The following GABRA2 variants were observed in gnomAD, a reference collection of about 807,000 sequenced individuals.
The protein encoded by GABRA2 is gamma-aminobutyric acid receptor subunit alpha-2.
In GABRA2, 16 loss-of-function variants were observed where a neutral mutation model predicts 48.7. That is an observed-to-expected ratio of 0.33 (90% CI 0.22 to 0.50). The LOEUF is 0.50. GABRA2 is among the 20% of genes least tolerant of loss of function. The pLI is 0.98. For missense variants in GABRA2, 275 were observed against 535.6 expected, an observed-to-expected ratio of 0.51 and a Z score of 4.80; for synonymous variants, 185 against 184.5, an observed-to-expected ratio of 1.00 and a Z score of -0.02.
At chr4:46,382,679 A>G (rs1168794282) in intron 3 of GABRA2, among the ~76,000 whole-genome samples, 2 of 152,178 alleles carry the variant, frequency 1.3e-5, no homozygotes, top group Non-Finnish European at 2.9e-5. Context: ...TGTCATATAA[A>G]TGAATCACAA....
At chr4:46,316,332 T>C (rs73812846) in intron 4 of GABRA2, among the ~76,000 whole-genome samples, 7,787 of 152,064 alleles carry the variant, frequency 0.051, 681 homozygotes, top group African/African-American at 0.18. Context: ...TTGTGGGCCA[T>C]ATGGTTAGCA....
chr4:46,292,860 C>T (rs1723936098), intron 8 of GABRA2, among the ~76,000 whole-genome samples: 1 of 152,184 alleles, frequency 6.6e-6, no homozygotes. Context: ...GGCAGCACCT[C>T]CATCTTTGAA....
At chr4:46,304,593 A>G (rs16859291) in intron 7 of GABRA2, among the ~76,000 whole-genome samples, 2,881 of 152,094 alleles carry the variant, frequency 0.019, 106 homozygotes, top group African/African-American at 0.066. Context: ...GAATAGTCAT[A>G]AATTATCTAG....
intron 9 of GABRA2, among the ~76,000 whole-genome samples, chr4:46,255,214 A>G (rs1224334034): frequency 1.3e-5 from 2 of 151,662 alleles, no homozygotes; most frequent in Non-Finnish European, 3.0e-5. Flanking sequence ...ACGTTTGCTT[A>G]ATGATAAATG....
intron 3 of GABRA2, among the ~76,000 whole-genome samples, chr4:46,384,956 A>G (rs565154471): frequency 4.6e-5 from 7 of 151,944 alleles, no homozygotes; most frequent in African/African-American, 1.7e-4. Context: ...TTAAAATGTA[A>G]GATATCACTC....
chr4:46,387,692 T>C (rs374308127), intron 2 of GABRA2, among the ~76,000 whole-genome samples: 1 of 152,156 alleles, frequency 6.6e-6, no homozygotes, highest in Non-Finnish European at 1.5e-5. Flanking sequence ...ATTTTCCAAA[T>C]GAAAGCAAGG....
chr4:46,300,208 C>T (rs1276757445), intron 8 of GABRA2, among the ~76,000 whole-genome samples: 3 of 151,846 alleles, frequency 2.0e-5, no homozygotes, highest in Non-Finnish European at 4.4e-5. Context: ...TAATTTAATT[C>T]CTGACCATCA....
chr4:46,314,527 A>T (rs1728214520), intron 4 of GABRA2, among the ~76,000 whole-genome samples: 1 of 152,152 alleles, frequency 6.6e-6, no homozygotes, highest in South Asian at 2.1e-4. Flanking sequence ...ATGGGGGCAT[A>T]TGTGCAGGTT....
Position 46,376,989 on chromosome 4 carries a change from G to C in GABRA2, c.187+9085C>G, listed in dbSNP as rs373086735. On this transcript the variant is annotated intron_variant, in intron 3 of 9. Coordinates refer to ENST00000381620, the MANE Select transcript of GABRA2 (RefSeq NM_000807.4). ...TAACCGCAAGTGATCCACCAGCCTCGGCATCCTGAGGTGCCGGGATTGCAG... is the reference window on the plus strand; with the variant it reads ...TAACCGCAAGTGATCCACCAGCCTCCGCATCCTGAGGTGCCGGGATTGCAG... Among the ~76,000 whole-genome samples, 18 of 152,226 alleles carry C rather than the reference G, an allele frequency of 1.2e-4. No individual in the cohort carries two copies. The South Asian group carries it at 2.1e-3, about 18-fold the overall frequency.
chr4:46,348,179 C>T lies in GABRA2; in HGVS notation c.188-15497G>A, dbSNP rs539049993. Among the ~76,000 whole-genome samples, 16 of 152,174 alleles carry T rather than the reference C, an allele frequency of 1.1e-4. No individual in the cohort carries two copies. In the South Asian group the frequency reaches 3.3e-3, roughly 32 times the overall value. ...GCCAAAAGTCACATGAAAAAATGCTCATCATCACTGGCCATCAGAGAAATG... is the reference window on the plus strand; with the variant it reads ...GCCAAAAGTCACATGAAAAAATGCTTATCATCACTGGCCATCAGAGAAATG... On this transcript the variant is annotated intron_variant, in intron 3 of 9. Transcript: ENST00000381620.
chr4:46,377,718 C>A (rs1460357466), intron 3 of GABRA2, among the ~76,000 whole-genome samples: 4 of 131,616 alleles, frequency 3.0e-5, no homozygotes, highest in Admixed American at 1.5e-4. Context: ...CCTCCCCGTC[C>A]GGGAGGGAGG....
intron 9 of GABRA2, among the ~76,000 whole-genome samples, chr4:46,258,865 G>C (rs1716386680): frequency 6.6e-6 from 1 of 151,820 alleles, no homozygotes. Context: ...TCAGCTACAA[G>C]ATAGTAAATG....
chr4:46,271,530 T>C (rs895895513), intron 8 of GABRA2, among the ~76,000 whole-genome samples: 1 of 152,016 alleles, frequency 6.6e-6, no homozygotes, highest in Non-Finnish European at 1.5e-5. Context: ...AACACAGAGC[T>C]GTACTGCATC....
At chr4:46,325,361 C>T (rs1229944258) in intron 4 of GABRA2, among the ~76,000 whole-genome samples, 1 of 151,878 alleles carries the variant, frequency 6.6e-6, no homozygotes, top group Non-Finnish European at 1.5e-5. Flanking sequence ...TTTTCATATG[C>T]TTGTTGCCTC....
intron 3 of GABRA2, among the ~76,000 whole-genome samples, chr4:46,337,637 C>T (rs1330981559): frequency 2.4e-5 from 3 of 127,286 alleles, no homozygotes; most frequent in African/African-American, 8.7e-5. Context: ...GAAGATGATG[C>T]CATTGTTAAG....
intron 9 of GABRA2, chr4:46,261,690 G>T: frequency 1.7e-6 from 1 of 596,410 alleles, no homozygotes; most frequent in Non-Finnish European, 3.0e-6. Context: ...AAAACACTTA[G>T]CACAGTGCCT....
At chr4:46,363,428 C>G (rs1223763088) in intron 3 of GABRA2, among the ~76,000 whole-genome samples, 2 of 151,892 alleles carry the variant, frequency 1.3e-5, no homozygotes, top group African/African-American at 2.4e-5. Flanking sequence ...AAAACGAGAG[C>G]AAGAAATAGC....
In GABRA2 at chr4:46,247,444, G is replaced by A. The variant is rs1366566298; in HGVS notation, c.*2864C>T. Among the ~76,000 whole-genome samples, 1 of 151,122 alleles carries A rather than the reference G, an allele frequency of 6.6e-6. No homozygotes were observed. Among genetic ancestry groups the A allele is most frequent in the Non-Finnish European group, 1.5e-5 (1 of 67,452 alleles). ...ACTAAATTCAGTGGGTGTGACATGAGTGATTTTAACACCAATTACAGGGCA... is the reference window on the plus strand; with the variant it reads ...ACTAAATTCAGTGGGTGTGACATGAATGATTTTAACACCAATTACAGGGCA... On this transcript the variant is annotated 3_prime_UTR_variant, in exon 10 of 10. Coordinates refer to ENST00000381620, the MANE Select transcript of GABRA2 (RefSeq NM_000807.4).
At chr4:46,331,710 T>G (rs188524480) in intron 4 of GABRA2, among the ~76,000 whole-genome samples, 2 of 152,218 alleles carry the variant, frequency 1.3e-5, no homozygotes, top group Non-Finnish European at 2.9e-5. Context: ...TTTCCTCACT[T>G]ATCTATCTCA....
Sources: gnomAD v4.1 joint callset for allele counts (sites outside exome capture counted in the v4.1 genomes callset) on GRCh38, gnomAD v4.1.1 for gene constraint, MANE v1.5 for transcripts, NCBI Gene and HGNC (gene_info 2026-07-23, HGNC 2026-07-21) for gene names.